PTPRK: variants seen among roughly 807,000 people sequenced by gnomAD.
PTPRK encodes the protein protein tyrosine phosphatase receptor type K, also known as receptor-type tyrosine-protein phosphatase kappa.
A neutral mutation model predicts 178.0 loss-of-function variants in PTPRK; 75 were observed. That is an observed-to-expected ratio of 0.42 (90% CI 0.35 to 0.51). PTPRK has a LOEUF of 0.51. PTPRK is among the 20% of genes least tolerant of loss of function. PTPRK has a pLI of 0.02. For missense variants in PTPRK, 1,441 were observed against 1,797.8 expected (o/e 0.80, Z 3.59); for synonymous variants, 637 against 620.6 (o/e 1.03, Z -0.39).
chr6:128,192,337 C>A (rs1803946174), intron 6 of PTPRK, among the ~76,000 whole-genome samples: 1 of 152,130 alleles, frequency 6.6e-6, no homozygotes, highest in African/African-American at 2.4e-5. Context: ...AACTCCAGGA[C>A]CATGAGTGAC....
chr6:128,443,485 T>C (rs1382708816), intron 1 of PTPRK, among the ~76,000 whole-genome samples: 1 of 152,098 alleles, frequency 6.6e-6, no homozygotes, highest in Non-Finnish European at 1.5e-5. Flanking sequence ...AATCCAAAGG[T>C]ACAAGTTGTC....
At chr6:128,366,394 A>G (rs1835488630) in intron 2 of PTPRK, among the ~76,000 whole-genome samples, 1 of 152,188 alleles carries the variant, frequency 6.6e-6, no homozygotes, top group Non-Finnish European at 1.5e-5. Flanking sequence ...GTTGTATGTT[A>G]AAGTTTTAAT....
rs144928884 is a variant in PTPRK, at chr6:128,461,231, C to CGTGTGTGTGTGTGTGT, written c.100+59012_100+59027dup. 6.9e-3 allele frequency among the ~76,000 whole-genome samples: 1,022 copies of CGTGTGTGTGTGTGTGT among 147,054 alleles called. 9 individuals carry two copies. The highest frequency in any genetic ancestry group is 0.025 in the African/African-American group (990 of 40,290). On this transcript the variant is annotated intron_variant, in intron 1 of 29. Transcript: ENST00000368226. The stretch of plus-strand genomic sequence containing the variant: ...AAAAATGTTTTATCTTTTGTTATTC[C>CGTGTGTGTGTGTGTGT]GTGTGTGTGTGTGTGTGTGTGTGTG...
chr6:128,193,114 C>T (rs919457481), intron 6 of PTPRK, among the ~76,000 whole-genome samples: 2 of 151,808 alleles, frequency 1.3e-5, no homozygotes, highest in African/African-American at 2.4e-5. Flanking sequence ...TAAGATGTAA[C>T]ATCTCACACT....
At chr6:128,105,520 G>T (rs1789578215) in intron 7 of PTPRK, among the ~76,000 whole-genome samples, 1 of 152,170 alleles carries the variant, frequency 6.6e-6, no homozygotes, top group Non-Finnish European at 1.5e-5. Flanking sequence ...CCTAAAGGAG[G>T]TGTTACGAAA....
At chr6:128,265,898 G>A (rs1352608530) in intron 3 of PTPRK, among the ~76,000 whole-genome samples, 4 of 152,050 alleles carry the variant, frequency 2.6e-5, no homozygotes, top group African/African-American at 7.2e-5. Flanking sequence ...CAGGTCATGC[G>A]GACTCCACCT....
chr6:128,381,874 C>T (rs917253918), intron 2 of PTPRK, among the ~76,000 whole-genome samples: 1 of 152,022 alleles, frequency 6.6e-6, no homozygotes, highest in Non-Finnish European at 1.5e-5. Flanking sequence ...TCTATAGAGT[C>T]TCTTTCAGAT....
At chr6:128,181,857 T>C (rs535446604) in intron 7 of PTPRK, among the ~76,000 whole-genome samples, 5 of 152,278 alleles carry the variant, frequency 3.3e-5, no homozygotes, top group African/African-American at 9.6e-5. Context: ...ATATCAATTA[T>C]GTTCCATTTC....
rs760596885 is a variant in PTPRK, at chr6:128,240,079, T to A, written c.649A>T (p.Ile217Phe). The change falls in exon 5 of 30, where the codon ATT becomes TTT. Residue 217 changes from isoleucine to phenylalanine, a missense_variant. Physicochemically the swap from Ile to Phe is conservative, Grantham distance 21. Transcript: ENST00000368226. ...NAGQNATFQC[I>F]ATGRDAVHNK... ...TGCACAGCATCTCTCCCTGTGGCAATGCACTGAAATGTAGCGTTTTGCCCT... is the reference window on the plus strand; with the variant it reads ...TGCACAGCATCTCTCCCTGTGGCAAAGCACTGAAATGTAGCGTTTTGCCCT... 1 of 1,614,114 alleles carries A rather than the reference T, an allele frequency of 6.2e-7. No individual in the cohort carries two copies. The highest frequency in any genetic ancestry group is 8.5e-7 in the Non-Finnish European group (1 of 1,179,980).
chr6:128,267,223 G>A lies in PTPRK; in HGVS notation c.496-24621C>T, dbSNP rs565786208. On this transcript the variant is annotated intron_variant, in intron 3 of 29. Coordinates refer to ENST00000368226, the MANE Select transcript of PTPRK (RefSeq NM_002844.4). The stretch of plus-strand genomic sequence containing the variant: ...CTGCCATAAATGCATCTTTAAACAG[G>A]CAAAAATGTAACTCATTTTTTCAAC... Among the ~76,000 whole-genome samples the A allele has an allele frequency of 2.0e-5, 3 of 152,004 alleles. No homozygotes were observed. The East Asian group carries it at 5.8e-4, about 29-fold the overall frequency.
At chr6:128,444,589 T>C (rs1478891616) in intron 1 of PTPRK, among the ~76,000 whole-genome samples, 1 of 152,180 alleles carries the variant, frequency 6.6e-6, no homozygotes, top group Non-Finnish European at 1.5e-5. Context: ...GCAGCTCTGG[T>C]TTTCTTTAAC....
intron 5 of PTPRK, among the ~76,000 whole-genome samples, 193 bp downstream of exon 5, chr6:128,239,840 CAT>C (rs1814060969): frequency 6.6e-6 from 1 of 152,214 alleles, no homozygotes; most frequent in South Asian, 2.1e-4. Flanking sequence ...ATTATTTGCT[CAT>C]GTGTTTTATT....
intron 3 of PTPRK, among the ~76,000 whole-genome samples, chr6:128,266,102 C>T (rs117974661): frequency 1.3e-5 from 2 of 152,198 alleles, no homozygotes; most frequent in South Asian, 2.1e-4. Flanking sequence ...ATAAGACATC[C>T]AGTTTATGGC....
intron 1 of PTPRK, among the ~76,000 whole-genome samples, chr6:128,503,860 G>A (rs1486706580): frequency 7.3e-5 from 11 of 151,172 alleles, no homozygotes; most frequent in Non-Finnish European, 1.0e-4. Flanking sequence ...GTGTGTGTGT[G>A]TGTGTGTGTG....
chr6:128,323,475 G>A (rs907946278), intron 2 of PTPRK, among the ~76,000 whole-genome samples: 1 of 152,082 alleles, frequency 6.6e-6, no homozygotes, highest in Non-Finnish European at 1.5e-5. Flanking sequence ...AGTTGCACTT[G>A]ACCCTTTCTT....
At chr6:128,433,174 T>C (rs114940323) in intron 1 of PTPRK, among the ~76,000 whole-genome samples, 2,190 of 152,328 alleles carry the variant, frequency 0.014, 57 homozygotes, top group African/African-American at 0.05. Flanking sequence ...TTAACTATAG[T>C]CACCCTACTG....
intron 1 of PTPRK, among the ~76,000 whole-genome samples, chr6:128,438,187 A>C (rs561280225): frequency 7.2e-5 from 11 of 152,322 alleles, no homozygotes; most frequent in African/African-American, 2.6e-4. Context: ...AACATCACAG[A>C]CGTTTCTCAA....
At chr6:128,067,467 A>T in intron 12 of PTPRK, 52 bp downstream of exon 12, 1 of 1,432,874 alleles carries the variant, frequency 7.0e-7, no homozygotes. Context: ...ATAAAATTTG[A>T]CTTCAGCTTT....
intron 7 of PTPRK, among the ~76,000 whole-genome samples, chr6:128,120,122 CATT>C (rs1405122601): frequency 6.6e-6 from 1 of 151,804 alleles, no homozygotes; most frequent in Non-Finnish European, 1.5e-5. Context: ...ATTTTGTTAT[CATT>C]ATATAATTTT....
Sources: gnomAD v4.1 joint callset for allele counts (sites outside exome capture counted in the v4.1 genomes callset) on GRCh38, gnomAD v4.1.1 for gene constraint, MANE v1.5 for transcripts, NCBI Gene and HGNC (gene_info 2026-07-23, HGNC 2026-07-21) for gene names.